ARL17A: variants seen among roughly 807,000 people sequenced by gnomAD.
ARL17A encodes ADP-ribosylation factor-like 17-like.
chr17:46,532,290 G>A (rs1257128771), intron 4 of ARL17A, among the ~76,000 whole-genome samples: 1 of 149,974 alleles, frequency 6.7e-6, no homozygotes, highest in African/African-American at 2.5e-5. Flanking sequence ...TCTGCTTCAT[G>A]TTTACAGAAT....
chr17:46,526,391 C>CA (rs1024611502), downstream of ARL17A, among the ~76,000 whole-genome samples: 2 of 100,872 alleles, frequency 2.0e-5, no homozygotes, highest in African/African-American at 7.9e-5. Context: ...AAAAAACAAA[C>CA]AAAAAAAGAG....
chr17:46,501,217 C>T, the ARL17A span, among the ~76,000 whole-genome samples: 1 of 151,268 alleles, frequency 6.6e-6, no homozygotes, highest in East Asian at 1.9e-4. Context: ...TCTCTGTTGC[C>T]TAGGCTGGAG....
At chr17:46,549,073 T>C (rs1252440124), downstream of ARL17A, 1 of 1,611,930 alleles carries the variant, frequency 6.2e-7, no homozygotes, top group South Asian at 1.1e-5. Context: ...CAAAACTCGC[T>C]CCCACGTGAC....
chr17:46,541,169 T>A (rs1428778368), intron 3 of ARL17A, among the ~76,000 whole-genome samples: 1 of 142,802 alleles, frequency 7.0e-6, no homozygotes, highest in African/African-American at 2.8e-5. Flanking sequence ...TCTGTTCCTA[T>A]ACTTTTGCCT....
intron 3 of ARL17A, among the ~76,000 whole-genome samples, chr17:46,568,933 T>C (rs1323630900): frequency 8.1e-6 from 1 of 123,366 alleles, no homozygotes; most frequent in Non-Finnish European, 1.7e-5. Flanking sequence ...AAGGATACTT[T>C]TTTTTTCTCT....
At chr17:46,558,388 T>TTTTG (rs536886712) in intron 3 of ARL17A, among the ~76,000 whole-genome samples, 3 of 105,446 alleles carry the variant, frequency 2.8e-5, no homozygotes, top group South Asian at 2.9e-4. Context: ...TTTTTTTGTG[T>TTTTG]TTTGTTTGTT....
downstream of ARL17A, chr17:46,514,984 G>C: frequency 1.3e-6 from 1 of 768,272 alleles, no homozygotes; most frequent in Non-Finnish European, 1.9e-6. Flanking sequence ...CATCATTCCA[G>C]AACCCACTAC....
chr17:46,558,492 T>G (rs1218154150), intron 3 of ARL17A, among the ~76,000 whole-genome samples: 3 of 119,766 alleles, frequency 2.5e-5, no homozygotes, highest in Non-Finnish European at 5.1e-5. Context: ...GTTCAAGTGA[T>G]TCTCCTGCCT....
chr17:46,525,587 AAATAAT>A (rs1219756396), downstream of ARL17A, among the ~76,000 whole-genome samples: 1 of 66,706 alleles, frequency 1.5e-5, no homozygotes, highest in Admixed American at 1.5e-4. Context: ...ACTCTGTCTC[AAATAAT>A]AATAATAATA....
At chr17:46,519,930 A>AT (rs1352557491) in intron 3 of ARL17A, among the ~76,000 whole-genome samples, 1 of 80,468 alleles carries the variant, frequency 1.2e-5, no homozygotes, top group East Asian at 2.5e-4. Flanking sequence ...TCTAAAAGGG[A>AT]TTTTGTGATC....
At chr17:46,551,698 G>GA (rs2056842469), downstream of ARL17A, among the ~76,000 whole-genome samples, 1 of 145,978 alleles carries the variant, frequency 6.9e-6, no homozygotes, top group Non-Finnish European at 1.5e-5. Context: ...AGGATCGCTT[G>GA]AGCCTGGGAG....
chr17:46,503,160 C>G, the ARL17A span, among the ~76,000 whole-genome samples: 5 of 143,534 alleles, frequency 3.5e-5, no homozygotes, highest in Non-Finnish European at 6.0e-5. Context: ...TGCAGTGAGC[C>G]GAGATCATGC....
rs2055241313 is a variant in ARL17A, at chr17:46,541,171, C to T, written c.260-2745G>A. Among the ~76,000 whole-genome samples the T allele has an allele frequency of 4.2e-5, 6 of 143,588 alleles. No homozygotes were observed. In the South Asian group the frequency reaches 1.3e-3, roughly 31 times the overall value. 94.2% of individuals were successfully genotyped at this position (143,588 alleles called of 152,430 possible). On this transcript the variant is annotated intron_variant, in intron 3 of 4. Transcript: ENST00000329240. Reference sequence around the variant, plus strand: ...TACTAATCTGATTTCTGTTCCTATACTTTTGCCTTTTCCAGAATGTCTTAT... The same window carrying T: ...TACTAATCTGATTTCTGTTCCTATATTTTTGCCTTTTCCAGAATGTCTTAT...
At chr17:46,560,472 G>A (rs1279454830) in intron 3 of ARL17A, 3 of 28,238 alleles carry the variant, frequency 1.1e-4, no homozygotes, top group African/African-American at 6.1e-4. Flanking sequence ...TTTCTCTAGA[G>A]GCCATTTAAA....
intron 3 of ARL17A, among the ~76,000 whole-genome samples, chr17:46,543,936 G>C (rs1194562972): frequency 4.1e-5 from 6 of 144,862 alleles, no homozygotes; most frequent in African/African-American, 1.7e-4. Flanking sequence ...GGACAACATG[G>C]TGAAACCCCA....
intron 4 of ARL17A, among the ~76,000 whole-genome samples, chr17:46,533,108 ATGAAC>A: frequency 8.6e-6 from 1 of 116,406 alleles, no homozygotes; most frequent in East Asian, 2.4e-4. Context: ...GTCTTGAAAA[ATGAAC>A]AGTAAGAAAA....
At chr17:46,557,683 C>T (rs2057357628) in intron 3 of ARL17A, 53 bp from the exon 4 acceptor site, 1 of 247,830 alleles carries the variant, frequency 4.0e-6, no homozygotes, top group Non-Finnish European at 6.5e-6. Context: ...CTCTGCATCA[C>T]ACCTCCACAT....
chr17:46,541,201 G>T (rs1418425898), intron 3 of ARL17A, among the ~76,000 whole-genome samples: 4 of 147,576 alleles, frequency 2.7e-5, no homozygotes, highest in Non-Finnish European at 5.9e-5. Flanking sequence ...TCTTATAAAT[G>T]AAATCATATA....
At chr17:46,575,296 G>C (rs1167360454) in intron 2 of ARL17A, among the ~76,000 whole-genome samples, 1 of 148,686 alleles carries the variant, frequency 6.7e-6, no homozygotes, top group Non-Finnish European at 1.5e-5. Context: ...GTAAAACACA[G>C]TGCTGGTTCA....
Sources: allele counts gnomAD v4.1 joint callset (sites outside exome capture counted in the v4.1 genomes callset), GRCh38; gene constraint gnomAD v4.1.1; transcripts MANE v1.5; gene names NCBI Gene and HGNC (gene_info 2026-07-23, HGNC 2026-07-21).